IRX2: variants seen among roughly 807,000 people sequenced by gnomAD.
The protein encoded by IRX2 is iroquois homeobox 2, also known as iroquois-class homeodomain protein IRX-2.
Under a neutral mutation model 42.9 loss-of-function variants are expected in IRX2, and 26 were observed. The ratio of observed to expected loss-of-function variants is 0.61; its 90% CI spans 0.44 to 0.84. The LOEUF (loss-of-function observed/expected upper bound fraction) is 0.84. Among genes scored for constraint, IRX2 ranks in the 40% least tolerant of loss-of-function variants. The pLI, the probability that IRX2 is intolerant of heterozygous loss-of-function variation, is 0.00. For synonymous variants in IRX2, 424 were observed against 353.9 expected (o/e 1.20, Z -2.22); for missense variants, 782 against 713.9 (o/e 1.10, Z -1.09).
At chr5:2,738,616 C>T in the IRX2 span, among the ~76,000 whole-genome samples, 1 of 152,092 alleles carries the variant, frequency 6.6e-6, no homozygotes, top group Non-Finnish European at 1.5e-5. Context: ...GTACAGTGAC[C>T]CCGAGTCCAA....
At chr5:2,748,256 G>C in intron 3 of IRX2, 89 bp downstream of exon 3, 2 of 1,219,884 alleles carry the variant, frequency 1.6e-6, no homozygotes, top group Non-Finnish European at 2.1e-6. Context: ...TCTTCTTCCC[G>C]GACCCTCCCT....
rs1435224659 is a variant in IRX2 at position 2,751,279 on chromosome 5, G to A, written c.135C>T (p.Phe45=). ...ELARSASGSA[F]SPYPGSAAFT... ...AGGCCGCCGAGCCCGGGTAGGGGCT[G>A]AACGCCGAGCCCGACGCCGAGCGCG... Residue 45 remains phenylalanine (F), a synonymous_variant, in exon 1 of 4, where the codon TTC becomes TTT. Transcript: ENST00000302057. This position sits in a 1 kb window ranked among gnomAD's most constrained non-coding sequence, Gnocchi z 4.0. 1.4e-6 allele frequency: 2 copies of A among 1,428,652 alleles called. No individual in the cohort carries two copies. Among genetic ancestry groups the A allele is most frequent in the Admixed American group, 2.5e-5 (1 of 39,396 alleles). 88.5% of individuals were successfully genotyped at this position (1,428,652 alleles called of 1,614,324 possible). A position where few individuals can be genotyped will look rare whatever the true frequency, so the allele number is the denominator to read the frequency against.
At chr5:2,738,444 A>G in the IRX2 span, among the ~76,000 whole-genome samples, 65 of 152,288 alleles carry the variant, frequency 4.3e-4, 2 homozygotes, top group East Asian at 0.012. Context: ...ATGGCCTCCT[A>G]TTTAAATAAA....
At chr5:2,739,623 C>G in the IRX2 span, among the ~76,000 whole-genome samples, 1 of 152,312 alleles carries the variant, frequency 6.6e-6, no homozygotes, top group Non-Finnish European at 1.5e-5. Context: ...GCCCTGAACC[C>G]CCGCCGCCGT....
intron 2 of IRX2, 24 bp downstream of exon 2, chr5:2,749,358 T>C (rs1364387336): frequency 6.4e-7 from 1 of 1,570,474 alleles, no homozygotes; most frequent in Non-Finnish European, 8.6e-7. Flanking sequence ...CCCCGAGACC[T>C]TGCGCCGGCC....
At chr5:2,750,601 G>A (rs952469361) in intron 1 of IRX2, among the ~76,000 whole-genome samples, 2 of 152,212 alleles carry the variant, frequency 1.3e-5, no homozygotes, top group Admixed American at 6.5e-5. Flanking sequence ...TTGAAAGCAT[G>A]GTCCGCTGGA....
Position 2,747,588 on chromosome 5 carries a change from G to A in IRX2, c.1392C>T (p.Gly464=), listed in dbSNP as rs778410180. 2 of 1,613,950 alleles carry A rather than the reference G, an allele frequency of 1.2e-6. No homozygotes were observed. Among genetic ancestry groups the A allele is most frequent in the South Asian group, 1.1e-5 (1 of 91,074 alleles). The stretch of plus-strand genomic sequence containing the variant: ...TCTATAGGTAGGGCTGGACGCCCCC[G>A]CCAACCACGGTGCAGCCCTCGCTGG... The part of the protein sequence containing the change: ...KDASEGCTVV[G]GGVQPYL Residue 464 remains glycine (G), a synonymous_variant, in exon 4 of 4, where the codon GGC becomes GGT. Transcript: ENST00000302057.
intron 1 of IRX2, 104 bp from the exon 2 acceptor site, chr5:2,749,891 G>A: frequency 8.1e-7 from 1 of 1,238,182 alleles, no homozygotes; most frequent in Non-Finnish European, 1.1e-6. Context: ...TTCCCCCCGT[G>A]AGTCTGGCTC....
chr5:2,739,495 A>C, the IRX2 span, among the ~76,000 whole-genome samples: 7 of 152,026 alleles, frequency 4.6e-5, no homozygotes, highest in Non-Finnish European at 1.0e-4. Flanking sequence ...CGCCGAGCGC[A>C]GCAGAAATAC....
In IRX2 at chr5:2,749,364, C is replaced by T. The variant is rs1367795124; in HGVS notation, c.655+18G>A. The T allele has an allele frequency of 3.8e-6, 6 of 1,574,704 alleles. No individual in the cohort carries two copies. The highest frequency in any genetic ancestry group is 4.3e-6 in the Non-Finnish European group (5 of 1,162,442). The stretch of plus-strand genomic sequence containing the variant: ...AAGAAAGCGCCCCGAGACCTTGCGC[C>T]GGCCGCTGCCCGCTCACCTTCGTCC... On this transcript the variant is annotated intron_variant, in intron 2 of 3. Transcript: ENST00000302057.
At chr5:2,739,774 G>C in the IRX2 span, among the ~76,000 whole-genome samples, 2 of 152,208 alleles carry the variant, frequency 1.3e-5, no homozygotes, top group African/African-American at 4.8e-5. Flanking sequence ...GCCAGGGAGC[G>C]AGGCGAGCAC....
chr5:2,738,680 C>T, the IRX2 span, among the ~76,000 whole-genome samples: 5,632 of 152,148 alleles, frequency 0.037, 386 homozygotes, highest in African/African-American at 0.13. Context: ...GGTTACAAAG[C>T]ACCCACCCCT....
chr5:2,751,193 G>A lies in IRX2; in HGVS notation c.221C>T (p.Ala74Val). 1.6e-6 allele frequency: 2 copies of A among 1,271,246 alleles called. No individual in the cohort carries two copies. The highest frequency in any genetic ancestry group is 3.3e-5 in the East Asian group (1 of 29,946). 78.7% of individuals were successfully genotyped at this position (1,271,246 alleles called of 1,614,324 possible). Residue 74 changes from alanine (A) to valine (V), a missense_variant, in exon 1 of 4, where the codon GCC becomes GTC. This residue lies in a region of IRX2 where 256 missense variants were observed against 250.0 expected (regional missense o/e 1.02). Coordinates refer to ENST00000302057, the MANE Select transcript of IRX2 (RefSeq NM_033267.5). The surrounding 1 kb of genome is among the most constrained non-coding windows in gnomAD (Gnocchi z 4.0). ...GTAGGACGGGAAGCCGGCGGCGGCG[G>A]CGGCGGCGTCGGCCGAGTACTGCAG... The part of the protein sequence containing the change: ...SPLQYSADAA[A>V]AAAGFPSYMG...
At chr5:2,742,216 C>T (rs542831647), downstream of IRX2, among the ~76,000 whole-genome samples, 2 of 152,284 alleles carry the variant, frequency 1.3e-5, no homozygotes. Flanking sequence ...TTTTCTCTTC[C>T]ACCCATCAAT....
chr5:2,743,171 C>A (rs1737579502), downstream of IRX2, among the ~76,000 whole-genome samples: 1 of 152,210 alleles, frequency 6.6e-6, no homozygotes. Context: ...CTACCCTGAG[C>A]CCAGGCCCAA....
downstream of IRX2, among the ~76,000 whole-genome samples, chr5:2,743,731 A>C (rs4391173): frequency 6.6e-6 from 1 of 152,094 alleles, no homozygotes; most frequent in Non-Finnish European, 1.5e-5. Context: ...GACCCCATTA[A>C]CTTCCCTCTC....
chr5:2,748,316 C>T, intron 3 of IRX2, 29 bp downstream of exon 3: 1 of 1,379,712 alleles, frequency 7.2e-7, no homozygotes, highest in Non-Finnish European at 9.3e-7. Context: ...CCCTCCCCTC[C>T]CGGGCGCCGC....
In IRX2 at chr5:2,748,414, C is replaced by T; in HGVS notation, c.1294G>A (p.Gly432Ser). 6.6e-7 allele frequency: 1 copy of T among 1,504,260 alleles called. No homozygotes were observed. The highest frequency in any genetic ancestry group is 1.3e-5 in the South Asian group (1 of 79,768). The allele number at this position is 1,504,260 out of a possible 1,614,324, so 93.2% of individuals were successfully genotyped here. ...HTAPKAASDA[G>S]KAGAHPLESH... ...TCGAGCGGGTGCGCGCCCGCCTTGCCCGCGTCGCTGGCCGCCTTTGGCGCG... is the reference window on the plus strand; with the variant it reads ...TCGAGCGGGTGCGCGCCCGCCTTGCTCGCGTCGCTGGCCGCCTTTGGCGCG... Residue 432 changes from glycine to serine, a missense_variant, in exon 3 of 4, where the codon GGC becomes AGC. Transcript: ENST00000302057.
At chr5:2,740,981 T>G (rs757113792), downstream of IRX2, among the ~76,000 whole-genome samples, 36 of 152,306 alleles carry the variant, frequency 2.4e-4, no homozygotes, top group Middle Eastern at 6.8e-3. Context: ...GTCACTCACC[T>G]CCTAACCTTT....
Sources: allele counts gnomAD v4.1 joint callset (sites outside exome capture counted in the v4.1 genomes callset), GRCh38; gene constraint gnomAD v4.1.1; regional missense constraint gnomAD v4.1.1; non-coding constraint Gnocchi (gnomAD v3.1); transcripts MANE v1.5; gene names NCBI Gene and HGNC (gene_info 2026-07-23, HGNC 2026-07-21).